The following MASP2 variants were observed in gnomAD, a reference collection of about 807,000 sequenced individuals.
MASP2 encodes the protein MBL associated serine protease 2, also known as mannan-binding lectin serine protease 2.
In MASP2, 49 loss-of-function variants were observed where a neutral mutation model predicts 57.1. The observed-to-expected ratio is 0.86, with a 90% CI of 0.68 to 1.09. The LOEUF (loss-of-function observed/expected upper bound fraction) is 1.09. Ranked by LOEUF, MASP2 falls within the 50% of genes least tolerant of loss-of-function variation. The pLI is 0.00. For synonymous variants in MASP2, 379 were observed against 340.8 expected, an observed-to-expected ratio of 1.11 and a Z score of -1.24; for missense variants, 900 against 874.8, an observed-to-expected ratio of 1.03 and a Z score of -0.36.
chr1:11,043,094 C>A (rs1475656680), intron 5 of MASP2, 72 bp from the exon 6 acceptor site: 1 of 1,526,998 alleles, frequency 6.5e-7, no homozygotes, highest in Non-Finnish European at 9.0e-7. Context: ...AAGTAACCCA[C>A]CTCCTCAGCA....
At chr1:11,044,841 G>A in intron 4 of MASP2, 1 of 1,546,146 alleles carries the variant, frequency 6.5e-7, no homozygotes, top group Non-Finnish European at 8.7e-7. Context: ...GTGGGTGAAT[G>A]GGAGTTGGGG....
intron 4 of MASP2, chr1:11,044,777 C>G: frequency 1.4e-6 from 2 of 1,402,714 alleles, no homozygotes; most frequent in Non-Finnish European, 1.9e-6. Context: ...CCCTCCCACC[C>G]CAGAGACACG....
chr1:11,038,416 C>T (rs748369964), intron 6 of MASP2, among the ~76,000 whole-genome samples: 1 of 152,206 alleles, frequency 6.6e-6, no homozygotes, highest in Non-Finnish European at 1.5e-5. Context: ...AACCGGCTGA[C>T]AGACTTGAAA....
chr1:11,039,885 TGG>T (rs1226977774), intron 6 of MASP2, among the ~76,000 whole-genome samples: 15 of 96,422 alleles, frequency 1.6e-4, no homozygotes, highest in African/African-American at 4.3e-4. Context: ...GATGGATGGA[TGG>T]ATGGATGGAT....
intron 10 of MASP2, chr1:11,029,885 A>G (rs1245189327): frequency 4.9e-6 from 1 of 205,610 alleles, no homozygotes; most frequent in Non-Finnish European, 9.7e-6. Context: ...CGGCCTCCCA[A>G]AGTGCTGGGA....
rs1338379451 is a variant in MASP2, at chr1:11,029,235, C to T, written c.1297+941G>A. On this transcript the variant is annotated intron_variant, in intron 10 of 10. Coordinates refer to ENST00000400897, the MANE Select transcript of MASP2 (RefSeq NM_006610.4). ...CAAGATGGTCTCGATCTCCTGACCT[C>T]GTGATCTTTCCGCCTTGGCCTCCCA... 5.9e-5 allele frequency among the ~76,000 whole-genome samples: 9 copies of T among 151,590 alleles called. No homozygotes were observed. In the South Asian group the frequency reaches 1.0e-3, roughly 18 times the overall value.
intron 8 of MASP2, among the ~76,000 whole-genome samples, chr1:11,031,266 G>A (rs1185804457): frequency 6.6e-6 from 1 of 151,486 alleles, no homozygotes; most frequent in African/African-American, 2.4e-5. Flanking sequence ...GCTCATGCCT[G>A]TAATCCCGGC....
rs12133713 is a variant in MASP2, at chr1:11,045,102, A to G, written c.544+306T>C. 2.0e-3 allele frequency: 1,622 copies of G among 818,914 alleles called. 5 individuals are homozygous for G. Among genetic ancestry groups the G allele is most frequent in the Non-Finnish European group, 2.5e-3 (1,220 of 490,662 alleles). The allele number at this position is 818,914 out of a possible 1,614,324, so 50.7% of individuals were successfully genotyped here. The stretch of plus-strand genomic sequence containing the variant: ...CAGGGAACCAGGGAACCAGGTCCCA[A>G]GGAACGAGGGCTAGATACCCCCGAC... On this transcript the variant is annotated intron_variant, in intron 4 of 10. Transcript: ENST00000400897.
intron 6 of MASP2, among the ~76,000 whole-genome samples, chr1:11,041,754 G>C (rs962854876): frequency 1.3e-3 from 1 of 782 alleles, no homozygotes. Context: ...GGGTGGGTGG[G>C]TGGATGGATG....
rs1197748577 is a variant in MASP2, at chr1:11,037,726, G to A, written c.975C>T (p.Ser325=). 2.5e-6 allele frequency: 4 copies of A among 1,612,006 alleles called. No homozygotes were observed. Among genetic ancestry groups the A allele is most frequent in the Non-Finnish European group, 3.4e-6 (4 of 1,179,402 alleles). Residue 325 remains serine, a synonymous_variant, in exon 7 of 11, where the codon TCC becomes TCT. Coordinates refer to ENST00000400897, the MANE Select transcript of MASP2 (RefSeq NM_006610.4). ...GCTCATAGCCAGTCTCGCAAAAGATGGAGAAGCTGTCTTTCAGGATGTATT... is the reference window on the plus strand; with the variant it reads ...GCTCATAGCCAGTCTCGCAAAAGATAGAGAAGCTGTCTTTCAGGATGTATT... The part of the protein sequence containing the change: ...QAKYILKDSF[S]IFCETGYELL...
In MASP2 at chr1:11,026,898, A is replaced by G; in HGVS notation, c.2048T>C (p.Ile683Thr). Residue 683 changes from isoleucine to threonine, a missense_variant, in exon 11 of 11, where the codon ATT becomes ACT. Coordinates refer to ENST00000400897, the MANE Select transcript of MASP2 (RefSeq NM_006610.4). ...CAGACACGCAAGTTAAAAATCACTA[A>G]TTATGTTCTCGATCCAGGGAATATA... ...INYIPWIENIISDF is the reference protein window; with the variant it reads ...INYIPWIENITSDF 6.7e-7 allele frequency: 1 copy of G among 1,482,210 alleles called. No homozygotes were observed. 91.8% of individuals were successfully genotyped at this position (1,482,210 alleles called of 1,614,324 possible).
intron 3 of MASP2, chr1:11,045,780 CG>C: frequency 1.8e-6 from 1 of 555,244 alleles, no homozygotes. Context: ...TTTCAGTGTC[CG>C]GCCCGAGGTC....
chr1:11,036,017 C>T (rs1643883673), intron 7 of MASP2, among the ~76,000 whole-genome samples: 1 of 151,954 alleles, frequency 6.6e-6, no homozygotes, highest in Non-Finnish European at 1.5e-5. Context: ...TGGAGGAGGG[C>T]TACTAAGAGT....
chr1:11,033,658 AAG>A (rs1161010342), intron 8 of MASP2, among the ~76,000 whole-genome samples: 2 of 150,160 alleles, frequency 1.3e-5, no homozygotes, highest in Non-Finnish European at 3.0e-5. Flanking sequence ...AAAGAAAAAA[AAG>A]AAAAAAATAT....
intron 3 of MASP2, 185 bp from the exon 4 acceptor site, chr1:11,045,724 C>T (rs1638618458): frequency 1.6e-6 from 1 of 614,992 alleles, no homozygotes; most frequent in South Asian, 2.1e-5. Context: ...CTCCCAGCAG[C>T]GCTGGGAGAA....
At chr1:11,044,654 CG>C (rs916611350) in intron 4 of MASP2, 3 of 760,800 alleles carry the variant, frequency 3.9e-6, no homozygotes, top group Admixed American at 3.0e-5. Context: ...ATCTTCAAAA[CG>C]GGGGGTGAGG....
chr1:11,029,280 G>A (rs1292180874), intron 10 of MASP2, among the ~76,000 whole-genome samples: 2 of 151,364 alleles, frequency 1.3e-5, no homozygotes, highest in Admixed American at 6.6e-5. Context: ...GATTACAGGC[G>A]TGAGCCACCA....
intron 6 of MASP2, 28 bp from the exon 7 acceptor site, chr1:11,037,839 T>G (rs1289940627): frequency 8.4e-6 from 12 of 1,423,340 alleles, no homozygotes; most frequent in Non-Finnish European, 1.2e-5. Flanking sequence ...GGCTTGTTGG[T>G]TTTCATGTGG....
chr1:11,027,550 T>C lies in MASP2; in HGVS notation c.1396A>G (p.Thr466Ala). The C allele has an allele frequency of 6.2e-7, 1 of 1,614,202 alleles. No individual in the cohort carries two copies. The highest frequency in any genetic ancestry group is 8.5e-7 in the Non-Finnish European group (1 of 1,180,030). Residue 466 changes from threonine to alanine, a missense_variant, in exon 11 of 11, where the codon ACC (threonine) becomes GCC (alanine). Coordinates refer to ENST00000400897, the MANE Select transcript of MASP2 (RefSeq NM_006610.4). ...TATAAAAGTGCACCTGCTGCTGTGG[T>C]TCCACCTAATATCAGGACTTGCCAA... is the stretch of plus-strand genomic sequence containing the variant. ...FPWQVLILGG[T>A]TAAGALLYDN... is the part of the protein sequence containing the mutation.
Sources: allele counts gnomAD v4.1 joint callset (sites outside exome capture counted in the v4.1 genomes callset), GRCh38; gene constraint gnomAD v4.1.1; transcripts MANE v1.5; gene names NCBI Gene and HGNC (gene_info 2026-07-23, HGNC 2026-07-21).